Variants in BCL6 observed in about 807,000 individuals in gnomAD.
BCL6 encodes B-cell lymphoma 6 protein.
A neutral mutation model predicts 59.5 loss-of-function variants in BCL6; 7 were observed. The observed-to-expected ratio is 0.12, with a 90% CI of 0.07 to 0.22. The LOEUF (loss-of-function observed/expected upper bound fraction) is 0.22, where lower values mean the gene tolerates loss of function less well. Among genes scored for constraint, BCL6 ranks in the 10% least tolerant of loss-of-function variants. The pLI, the probability that BCL6 is intolerant of heterozygous loss-of-function variation, is 1.00. For synonymous variants in BCL6, 339 were observed against 349.7 expected (o/e 0.97, Z 0.34); for missense variants, 685 against 939.4 (o/e 0.73, Z 3.54).
At chr3:187,727,200 T>C (rs931306083) in intron 6 of BCL6, among the ~76,000 whole-genome samples, 19 of 152,180 alleles carry the variant, frequency 1.2e-4, no homozygotes, top group Admixed American at 9.8e-4. Flanking sequence ...TCAACAGAGA[T>C]TTTCTTTCCC....
chr3:187,744,905 AG>A, intron 1 of BCL6, among the ~76,000 whole-genome samples: 1 of 152,056 alleles, frequency 6.6e-6, no homozygotes, highest in African/African-American at 2.4e-5. Flanking sequence ...AGCAGCAGAA[AG>A]AGCGAGAGCG....
Position 187,728,376 on chromosome 3 carries a change from G to A in BCL6, c.1524C>T (p.Tyr508=), listed in dbSNP as rs558335885. 104 of 1,597,928 alleles carry A rather than the reference G, an allele frequency of 6.5e-5. No individual in the cohort carries two copies. The highest frequency in any genetic ancestry group is 4.7e-5 in the Non-Finnish European group (55 of 1,171,762). The change falls in exon 6 of 10, where the codon TAC becomes TAT. Residue 508 remains tyrosine (Y), a synonymous_variant. Coordinates refer to ENST00000406870, the MANE Select transcript of BCL6 (RefSeq NM_001706.5). ...PEEMGETQSE[Y]SDSSCENGAF... ...AGGACTCACCACAGCTAGAATCTGA[G>A]TACTCAGACTGGGTCTCTCCCATCT...
At chr3:187,733,442 G>A in intron 3 of BCL6, 91 bp downstream of exon 3, 1 of 1,434,646 alleles carries the variant, frequency 7.0e-7, no homozygotes, top group South Asian at 1.3e-5. Context: ...CATCCCAGAT[G>A]CAGTAAAAGG....
rs1411489406 is a variant in BCL6, at chr3:187,729,447, T to C, written c.958A>G (p.Asn320Asp). The part of the protein sequence containing the change: ...DEIALHFEPP[N>D]APLNRKGLVS... ...AGACCCTTCCGGTTCAGGGGTGCATTGGGGGGCTCGAAATGCAGGGCAATC... is the reference window on the plus strand; with the variant it reads ...AGACCCTTCCGGTTCAGGGGTGCATCGGGGGGCTCGAAATGCAGGGCAATC... The change falls in exon 5 of 10, where the codon AAT (asparagine) becomes GAT (aspartate). Residue 320 changes from asparagine to aspartate, a missense_variant. Physicochemically the swap from Asn to Asp is conservative, Grantham distance 23 (BLOSUM62 1). This residue lies in a region of BCL6 where 268 missense variants were observed against 263.8 expected (regional missense o/e 1.02). Coordinates refer to ENST00000406870, the MANE Select transcript of BCL6 (RefSeq NM_001706.5). The surrounding 1 kb of genome is among the most constrained non-coding windows in gnomAD (Gnocchi z 5.6). 3 of 1,609,590 alleles carry C rather than the reference T, an allele frequency of 1.9e-6. No homozygotes were observed. The highest frequency in any genetic ancestry group is 1.7e-6 in the Non-Finnish European group (2 of 1,177,502).
intron 1 of BCL6, among the ~76,000 whole-genome samples, chr3:187,745,106 T>C (rs556453386): frequency 1.3e-5 from 2 of 152,206 alleles, no homozygotes; most frequent in East Asian, 3.9e-4. Context: ...ACCGGCCGAT[T>C]CACTCAAAGA....
chr3:187,744,611 GC>G, intron 1 of BCL6, among the ~76,000 whole-genome samples: 1 of 152,044 alleles, frequency 6.6e-6, no homozygotes, highest in African/African-American at 2.4e-5. Flanking sequence ...GAGTTCGCTT[GC>G]ATTTTTTCCT....
chr3:187,744,349 G>A (rs1400104663), intron 1 of BCL6, among the ~76,000 whole-genome samples: 1 of 139,102 alleles, frequency 7.2e-6, no homozygotes, highest in Admixed American at 7.1e-5. Context: ...GCCCTGTCCC[G>A]CCATCAGTCT....
intron 1 of BCL6, among the ~76,000 whole-genome samples, chr3:187,744,587 A>G (rs1012118293): frequency 2.0e-5 from 3 of 152,266 alleles, no homozygotes; most frequent in East Asian, 1.9e-4. Context: ...AAAAAACAAA[A>G]ACAAAAACCC....
In BCL6 at chr3:187,722,304, G is replaced by GGCCCCCCCCCCCCCCCCCCC; in HGVS notation, c.*153_*154insGGGGGGGGGGGGGGGGGGGC. 5 of 309,298 alleles carry GGCCCCCCCCCCCCCCCCCCC rather than the reference G, an allele frequency of 1.6e-5. No individual in the cohort carries two copies. Among genetic ancestry groups the GGCCCCCCCCCCCCCCCCCCC allele is most frequent in the East Asian group, 5.6e-5 (1 of 17,940 alleles). 19.2% of individuals were successfully genotyped at this position (309,298 alleles called of 1,614,324 possible). A position where few individuals can be genotyped will look rare whatever the true frequency, so the allele number is the denominator to read the frequency against. ...GCTGCTGCGGCTCCCAGTCCCCCAG[G>GGCCCCCCCCCCCCCCCCCCC]CCCCGACCCCCACCACCCCCAACCC... On this transcript the variant is annotated 3_prime_UTR_variant, in exon 10 of 10. Transcript: ENST00000406870.
At chr3:187,744,330 C>T (rs1711768916) in intron 1 of BCL6, among the ~76,000 whole-genome samples, 2 of 152,026 alleles carry the variant, frequency 1.3e-5, no homozygotes, top group East Asian at 3.9e-4. Context: ...TTCCCACCCA[C>T]CCCAAGAAGC....
In BCL6 at chr3:187,722,319, A is replaced by AAC; in HGVS notation, c.*138_*139insGT. The AAC allele has an allele frequency of 9.9e-6, 1 of 101,344 alleles. No individual in the cohort carries two copies. Among genetic ancestry groups the AAC allele is most frequent in the Non-Finnish European group, 1.5e-5 (1 of 68,358 alleles). 6.3% of individuals were successfully genotyped at this position (101,344 alleles called of 1,614,324 possible). A position where few individuals can be genotyped will look rare whatever the true frequency, so the allele number is the denominator to read the frequency against. On this transcript the variant is annotated 3_prime_UTR_variant, in exon 10 of 10. Transcript: ENST00000406870. ...AGTCCCCCAGGCCCCGACCCCCACC[A>AAC]CCCCCAACCCCCAGCTATGATTTGC...
At position 187,734,919 on chromosome 3, in the gene BCL6, A is replaced by G. The variant is rs1159692580; in HGVS notation, c.-49-12T>C. 6.6e-6 allele frequency: 1 copy of G among 152,650 alleles called. No individual in the cohort carries two copies. The highest frequency in any genetic ancestry group is 2.4e-5 in the African/African-American group (1 of 41,446). 9.5% of individuals were successfully genotyped at this position (152,650 alleles called of 1,614,324 possible). On this transcript the variant is annotated splice_polypyrimidine_tract_variant and intron_variant, in intron 1 of 9. Transcript: ENST00000406870. ...ATTTTGCTCAAAACCTACAGAGAAGAGAAGAAAGCAAACAGAAATTGATTT... is the reference window on the plus strand; with the variant it reads ...ATTTTGCTCAAAACCTACAGAGAAGGGAAGAAAGCAAACAGAAATTGATTT...
chr3:187,727,481 G>C (rs914538048), intron 6 of BCL6, among the ~76,000 whole-genome samples: 10 of 152,206 alleles, frequency 6.6e-5, no homozygotes, highest in Admixed American at 6.5e-4. Context: ...AACACTCTGT[G>C]GTCACCCTTG....
Position 187,725,685 on chromosome 3 carries a change from C to T in BCL6, c.1709-56G>A, listed in dbSNP as rs2108557960. On this transcript the variant is annotated intron_variant, in intron 7 of 9. Transcript: ENST00000406870. This position sits in a 1 kb window ranked among gnomAD's most constrained non-coding sequence, Gnocchi z 4.7. ...CCATATTCAATAAGGAAGGTCTCTGCAGTCCGTGGCTCCTGGATTTCTAAG... is the reference window on the plus strand; with the variant it reads ...CCATATTCAATAAGGAAGGTCTCTGTAGTCCGTGGCTCCTGGATTTCTAAG... The T allele has an allele frequency of 2.5e-6, 4 of 1,601,746 alleles. No homozygotes were observed. The highest frequency in any genetic ancestry group is 1.1e-5 in the South Asian group (1 of 90,372).
intron 1 of BCL6, 127 bp downstream of exon 1, chr3:187,745,283 G>C (rs1576886750): frequency 5.0e-6 from 2 of 398,456 alleles, no homozygotes; most frequent in East Asian, 3.6e-5. Flanking sequence ...TTTGGCAAGA[G>C]CGGAAAAAAA....
intron 9 of BCL6, chr3:187,724,674 C>G (rs1718584113): frequency 2.1e-6 from 1 of 476,268 alleles, no homozygotes; most frequent in Non-Finnish European, 3.8e-6. Flanking sequence ...CTAGACTCCT[C>G]TCCTAAGGCC....
chr3:187,733,511 C>A, intron 3 of BCL6, 22 bp downstream of exon 3: 1 of 1,609,638 alleles, frequency 6.2e-7, no homozygotes, highest in Middle Eastern at 1.7e-4. Context: ...ACTTACCCAC[C>A]CTTTCCTTTC....
At chr3:187,738,203 T>C (rs1719380914) in intron 1 of BCL6, among the ~76,000 whole-genome samples, 1 of 152,154 alleles carries the variant, frequency 6.6e-6, no homozygotes, top group African/African-American at 2.4e-5. Flanking sequence ...CTTTAAGTTG[T>C]CCGATTCCGA....
intron 1 of BCL6, among the ~76,000 whole-genome samples, chr3:187,743,302 T>G (rs1711682099): frequency 7.7e-6 from 1 of 129,780 alleles, no homozygotes; most frequent in Non-Finnish European, 1.7e-5. Context: ...AAAAAATCCA[T>G]AAAAGATTAA....
Sources: allele counts gnomAD v4.1 joint callset (sites outside exome capture counted in the v4.1 genomes callset), GRCh38; gene constraint gnomAD v4.1.1; regional missense constraint gnomAD v4.1.1; non-coding constraint Gnocchi (gnomAD v3.1); transcripts MANE v1.5; gene names NCBI Gene and HGNC (gene_info 2026-07-23, HGNC 2026-07-21).